The following CD81 variants were observed in gnomAD, a reference collection of about 807,000 sequenced individuals.
The protein encoded by CD81 is CD81 molecule, also known as CD81 antigen.
A neutral mutation model predicts 30.1 loss-of-function variants in CD81; 10 were observed. That is an observed-to-expected ratio of 0.33 (90% CI 0.21 to 0.56). The LOEUF (loss-of-function observed/expected upper bound fraction) is 0.56. Ranked by LOEUF, CD81 falls within the 20% of genes least tolerant of loss-of-function variation. The probability of loss-of-function intolerance (pLI) is 0.89; values close to 1 mark genes in which losing one functional copy is unlikely to be tolerated. For synonymous variants in CD81, 147 were observed against 126.4 expected (o/e 1.16, Z -1.10); for missense variants, 263 against 308.7 (o/e 0.85, Z 1.11).
chr11:2,385,782 G>A (rs4930100), intron 1 of CD81: 4 of 595,100 alleles, frequency 6.7e-6, no homozygotes, highest in East Asian at 3.4e-5. Flanking sequence ...AGCCAGCGAC[G>A]GACCCCAGGT....
At chr11:2,390,376 C>T in intron 1 of CD81, 36 bp from the exon 2 acceptor site, 4 of 1,542,910 alleles carry the variant, frequency 2.6e-6, no homozygotes, top group Non-Finnish European at 3.6e-6. Flanking sequence ...CTGCAGTGCT[C>T]TTCGTACATG....
Position 2,377,560 on chromosome 11 carries a change from A to G in CD81, c.11A>G (p.Glu4Gly), listed in dbSNP as rs868817598. 38 of 1,484,016 alleles carry G rather than the reference A, an allele frequency of 2.6e-5. No individual in the cohort carries two copies. The highest frequency in any genetic ancestry group is 3.2e-5 in the Non-Finnish European group (36 of 1,108,818). The allele number at this position is 1,484,016 out of a possible 1,614,324, so 91.9% of individuals were successfully genotyped here. The change falls in exon 1 of 8, where the codon GAG (glutamate) becomes GGG (glycine). Residue 4 changes from glutamate (E) to glycine (G), a missense_variant. Around this residue, in one of 3 missense-constraint regions of CD81, gnomAD observed 84 missense variants for 98.2 expected, o/e 0.86. Coordinates refer to ENST00000263645, the MANE Select transcript of CD81 (RefSeq NM_004356.4). The surrounding 1 kb of genome is among the most constrained non-coding windows in gnomAD (Gnocchi z 7.7). ...GCCGCCCGCGCCGCCATGGGAGTGG[A>G]GGGCTGCACCAAGTGCATCAAGTAC... MGVEGCTKCIKYLL... is the reference protein window; with the variant it reads MGVGGCTKCIKYLL...
intron 1 of CD81, 182 bp from the exon 2 acceptor site, chr11:2,390,230 G>GC: frequency 1.5e-6 from 1 of 671,570 alleles, no homozygotes; most frequent in African/African-American, 1.8e-5. Flanking sequence ...CAAAGCACCC[G>GC]CCCCATGCTC....
intron 1 of CD81, among the ~76,000 whole-genome samples, chr11:2,379,367 G>GAGTGT (rs1491516645): frequency 1.0e-4 from 14 of 136,362 alleles, no homozygotes; most frequent in African/African-American, 3.3e-4. Context: ...GGCTGAGGGA[G>GAGTGT]GGTGTAGGCC....
rs1849644999 is a variant in CD81, at chr11:2,378,692, CA to C, written c.66+1078del. ...GCCTCCCCGTGGCCACGCCCCTGGG[CA>C]TAGACTGCAAGCCCCTCCCCGTGCC... On this transcript the variant is annotated intron_variant, in intron 1 of 7. Transcript: ENST00000263645. The surrounding 1 kb of genome is among the most constrained non-coding windows in gnomAD (Gnocchi z 4.9). Among the ~76,000 whole-genome samples, 1 of 152,168 alleles carries C rather than the reference CA, an allele frequency of 6.6e-6. No individual in the cohort carries two copies. The highest frequency in any genetic ancestry group is 2.4e-5 in the African/African-American group (1 of 41,440).
At chr11:2,386,297 G>A in intron 1 of CD81, 1 of 642,862 alleles carries the variant, frequency 1.6e-6, no homozygotes, top group Non-Finnish European at 2.8e-6. Flanking sequence ...TACGTTCAGG[G>A]CACAGGTCCT....
At chr11:2,380,249 C>G (rs1849681620) in intron 1 of CD81, among the ~76,000 whole-genome samples, 1 of 152,042 alleles carries the variant, frequency 6.6e-6, no homozygotes, top group Non-Finnish European at 1.5e-5. Context: ...CCTGTGGGCT[C>G]TGGGGAGGCT....
intron 1 of CD81, among the ~76,000 whole-genome samples, chr11:2,380,828 C>T (rs1015563179): frequency 2.6e-5 from 4 of 152,214 alleles, no homozygotes; most frequent in African/African-American, 7.2e-5. Flanking sequence ...AGAGGTGTCA[C>T]CAGTCCCCGC....
intron 1 of CD81, among the ~76,000 whole-genome samples, chr11:2,380,400 C>T (rs1849684040): frequency 6.6e-6 from 1 of 152,060 alleles, no homozygotes; most frequent in Non-Finnish European, 1.5e-5. Flanking sequence ...CACACACACA[C>T]GCACAGGCAC....
Position 2,377,754 on chromosome 11 carries a change from G to C in CD81, c.66+139G>C. On this transcript the variant is annotated intron_variant, in intron 1 of 7. Coordinates refer to ENST00000263645, the MANE Select transcript of CD81 (RefSeq NM_004356.4). The surrounding 1 kb of genome is among the most constrained non-coding windows in gnomAD (Gnocchi z 7.7). ...GGGGCCACCTGTGGGCTCCAGGAGC[G>C]GGGTGGGGGGTCGCCCGGGGCCACC... The C allele has an allele frequency of 3.0e-6, 1 of 333,252 alleles. No homozygotes were observed. The highest frequency in any genetic ancestry group is 5.2e-6 in the Non-Finnish European group (1 of 190,762). The allele number at this position is 333,252 out of a possible 1,614,324, so 20.6% of individuals were successfully genotyped here.
intron 1 of CD81, among the ~76,000 whole-genome samples, chr11:2,387,001 G>A (rs768635178): frequency 3.9e-5 from 6 of 152,236 alleles, no homozygotes; most frequent in Non-Finnish European, 7.3e-5. Context: ...AAGCTGCAAC[G>A]TGGCCTGAAG....
intron 1 of CD81, among the ~76,000 whole-genome samples, chr11:2,380,549 G>T (rs1021634204): frequency 6.6e-6 from 1 of 152,186 alleles, no homozygotes; most frequent in Non-Finnish European, 1.5e-5. Context: ...TTGGGGGCCA[G>T]TGAGAACTGG....
intron 1 of CD81, chr11:2,386,779 C>T: frequency 4.7e-6 from 3 of 645,130 alleles, no homozygotes; most frequent in Non-Finnish European, 8.6e-6. Context: ...GTCCCTCCCA[C>T]CCCCTCCTGG....
intron 6 of CD81, 43 bp from the exon 7 acceptor site, chr11:2,396,585 C>G: frequency 6.6e-7 from 1 of 1,521,472 alleles, no homozygotes. Context: ...AGCCGGGAGC[C>G]GAGGCCCGGT....
intron 2 of CD81, chr11:2,392,707 CT>C: frequency 1.3e-5 from 2 of 152,568 alleles, no homozygotes; most frequent in Non-Finnish European, 2.9e-5. Flanking sequence ...TTGCCAAGGG[CT>C]TTTTTTCCTG....
Position 2,397,269 on chromosome 11 carries a change from C to T in CD81, c.*403C>T, listed in dbSNP as rs775196913. 37 of 290,254 alleles carry T rather than the reference C, an allele frequency of 1.3e-4. No homozygotes were observed. The Middle Eastern group carries it at 3.6e-3, about 28-fold the overall frequency. 18.0% of individuals were successfully genotyped at this position (290,254 alleles called of 1,614,324 possible). A position where few individuals can be genotyped will look rare whatever the true frequency, so the allele number is the denominator to read the frequency against. On this transcript the variant is annotated 3_prime_UTR_variant, in exon 8 of 8. Transcript: ENST00000263645. ...CAGCTCACCTTGTTCCCTCCTGCCC[C>T]GGTTCGAGAGCCGAGTCTGTGGGCA... is the stretch of plus-strand genomic sequence containing the variant.
At chr11:2,387,981 C>T (rs943275656) in intron 1 of CD81, among the ~76,000 whole-genome samples, 1 of 152,214 alleles carries the variant, frequency 6.6e-6, no homozygotes, top group East Asian at 1.9e-4. Flanking sequence ...AGTCCTGCTA[C>T]AGGGGGACCA....
chr11:2,389,916 G>T (rs1004812470), intron 1 of CD81, among the ~76,000 whole-genome samples: 5 of 152,116 alleles, frequency 3.3e-5, no homozygotes, highest in Admixed American at 3.3e-4. Context: ...CAGAACTCTT[G>T]GGGCGCTGCC....
At chr11:2,382,588 C>G (rs929274259) in intron 1 of CD81, 2 of 152,252 alleles carry the variant, frequency 1.3e-5, no homozygotes, top group African/African-American at 4.8e-5. Context: ...TGATGGGGGA[C>G]CCCGCAGGGC....
Sources: gnomAD v4.1 joint callset for allele counts (sites outside exome capture counted in the v4.1 genomes callset) on GRCh38, gnomAD v4.1.1 for gene constraint, gnomAD v4.1.1 regional missense constraint, Gnocchi (gnomAD v3.1) non-coding constraint, MANE v1.5 for transcripts, NCBI Gene and HGNC (gene_info 2026-07-23, HGNC 2026-07-21) for gene names.